LGSN: variants seen among roughly 807,000 people sequenced by gnomAD.
LGSN encodes the protein lengsin.
LGSN carries 21 observed loss-of-function variants against 19.5 expected under a neutral mutation model. The observed-to-expected ratio is 1.07, with a 90% CI of 0.76 to 1.55. The LOEUF is 1.55. LGSN is among the 40% of genes most tolerant of loss of function. LGSN has a pLI of 0.00. For synonymous variants in LGSN, 257 were observed against 215.6 expected, an observed-to-expected ratio of 1.19 and a Z score of -1.68; for missense variants, 673 against 608.5, an observed-to-expected ratio of 1.11 and a Z score of -1.12.
the LGSN span, among the ~76,000 whole-genome samples, chr6:63,355,196 T>G: frequency 1.3e-5 from 2 of 152,134 alleles, no homozygotes; most frequent in East Asian, 3.8e-4. Flanking sequence ...ACACATTCTA[T>G]GCATATAACA....
chr6:63,342,863 C>T, the LGSN span, among the ~76,000 whole-genome samples: 1 of 152,194 alleles, frequency 6.6e-6, no homozygotes, highest in Non-Finnish European at 1.5e-5. Flanking sequence ...TCCTTATTCA[C>T]CAATCATGTT....
the LGSN span, among the ~76,000 whole-genome samples, chr6:63,526,761 T>C: frequency 6.9e-6 from 1 of 145,094 alleles, no homozygotes; most frequent in African/African-American, 2.6e-5. Context: ...ATCACACCAC[T>C]GCACTCCAAC....
the LGSN span, among the ~76,000 whole-genome samples, chr6:63,543,534 G>A: frequency 1.3e-5 from 2 of 152,262 alleles, no homozygotes; most frequent in African/African-American, 2.4e-5. Flanking sequence ...AATAATAATT[G>A]TTCATTGAAT....
upstream of LGSN, among the ~76,000 whole-genome samples, chr6:63,323,798 A>T (rs187782426): frequency 6.9e-6 from 1 of 145,756 alleles, no homozygotes; most frequent in Admixed American, 6.9e-5. Context: ...TTTGAAACAC[A>T]GTCTGCTCTG....
the LGSN span, among the ~76,000 whole-genome samples, chr6:63,462,194 A>C: frequency 8.8e-3 from 1,336 of 152,244 alleles, 23 homozygotes; most frequent in African/African-American, 0.031. Flanking sequence ...CACATATCAC[A>C]CTGCTTTAGA....
At chr6:63,405,782 A>T in the LGSN span, among the ~76,000 whole-genome samples, 2 of 152,312 alleles carry the variant, frequency 1.3e-5, no homozygotes, top group South Asian at 4.1e-4. Flanking sequence ...CAGGAAACCC[A>T]TCTCAAGTGC....
At chr6:63,470,980 G>A in the LGSN span, among the ~76,000 whole-genome samples, 1 of 98,654 alleles carries the variant, frequency 1.0e-5, no homozygotes, top group Non-Finnish European at 1.9e-5. Context: ...TGCTCTTGTT[G>A]CCCAGGCTGC....
chr6:63,444,704 T>G, the LGSN span, among the ~76,000 whole-genome samples: 1 of 152,172 alleles, frequency 6.6e-6, no homozygotes, highest in East Asian at 1.9e-4. Flanking sequence ...ACATATCTGC[T>G]CCTGTCTGAC....
rs142740065 is a variant in LGSN, at chr6:63,280,553, C to T, written c.998G>A (p.Gly333Glu). Residue 333 changes from glycine to glutamate, a missense_variant, in exon 4 of 4, where the codon GGA becomes GAA. Gly to Glu is a moderately conservative substitution (Grantham distance 98). Coordinates refer to ENST00000370657, the MANE Select transcript of LGSN (RefSeq NM_016571.3). The stretch of plus-strand genomic sequence containing the variant: ...CCCAGTGATCGTGAGCTGCTCAGTT[C>T]CAGAAGTGCTGCAGAACATGTTTTT... ...RKKNMFCSTS[G>E]TEQLTITGKK... The T allele has an allele frequency of 4.3e-5, 69 of 1,614,092 alleles. No homozygotes were observed. The African/African-American group carries it at 8.1e-4, about 19-fold the overall frequency.
the LGSN span, among the ~76,000 whole-genome samples, chr6:63,379,320 A>G: frequency 6.6e-6 from 1 of 152,170 alleles, no homozygotes; most frequent in African/African-American, 2.4e-5. Flanking sequence ...TTTGAAAACG[A>G]GGAGACAACT....
chr6:63,341,824 T>G, the LGSN span, among the ~76,000 whole-genome samples: 2 of 152,166 alleles, frequency 1.3e-5, no homozygotes, highest in Admixed American at 6.5e-5. Flanking sequence ...AGTTATACAC[T>G]GATTATCACA....
chr6:63,494,471 A>G, the LGSN span, among the ~76,000 whole-genome samples: 1 of 152,200 alleles, frequency 6.6e-6, no homozygotes, highest in Admixed American at 6.5e-5. Flanking sequence ...TGAGAAGAAT[A>G]TGTGTCTCTA....
the LGSN span, among the ~76,000 whole-genome samples, chr6:63,491,646 T>C: frequency 6.6e-6 from 1 of 152,208 alleles, no homozygotes. Flanking sequence ...GGTACAGGGA[T>C]GTCTTTCTAA....
chr6:63,505,565 A>AAAAGAAAGAAAGAAAGAAAGAAAGAAAG, the LGSN span, among the ~76,000 whole-genome samples: 4 of 58,676 alleles, frequency 6.8e-5, no homozygotes, highest in East Asian at 4.4e-4. Flanking sequence ...AAAAAAAAAA[A>AAAAGAAAGAAAGAAAGAAAGAAAGAAAG]AAAGAAAGAA....
the LGSN span, chr6:63,394,889 G>GCGGT: frequency 6.6e-6 from 1 of 152,642 alleles, no homozygotes; most frequent in African/African-American, 2.4e-5. Flanking sequence ...CGCCTGTCAG[G>GCGGT]CGGTCGTCTG....
the LGSN span, among the ~76,000 whole-genome samples, chr6:63,348,325 A>T: frequency 6.6e-6 from 1 of 152,102 alleles, no homozygotes; most frequent in African/African-American, 2.4e-5. Context: ...GCTGTGGCGC[A>T]TGCCTGTAAT....
the LGSN span, among the ~76,000 whole-genome samples, chr6:63,365,888 G>C: frequency 6.6e-6 from 1 of 152,130 alleles, no homozygotes; most frequent in Non-Finnish European, 1.5e-5. Context: ...AAATTCAACA[G>C]AGCTTCATGC....
the LGSN span, among the ~76,000 whole-genome samples, chr6:63,479,920 C>G: frequency 6.6e-6 from 1 of 152,168 alleles, no homozygotes; most frequent in East Asian, 1.9e-4. Flanking sequence ...CCAGGTACCT[C>G]TCTAGTCACT....
chr6:63,329,917 T>G, the LGSN span, among the ~76,000 whole-genome samples: 1 of 152,186 alleles, frequency 6.6e-6, no homozygotes, highest in East Asian at 1.9e-4. Flanking sequence ...TAATGGACCT[T>G]GAGGACAGTC....
Sources: gnomAD v4.1 joint callset for allele counts (sites outside exome capture counted in the v4.1 genomes callset) on GRCh38, gnomAD v4.1.1 for gene constraint, MANE v1.5 for transcripts, NCBI Gene and HGNC (gene_info 2026-07-23, HGNC 2026-07-21) for gene names.